Variants in ZNF93 observed in about 807,000 individuals in gnomAD.
The protein encoded by ZNF93 is zinc finger protein 93.
In ZNF93, 29 loss-of-function variants were observed where a neutral mutation model predicts 45.0. That is an observed-to-expected ratio of 0.64 (90% confidence interval 0.48 to 0.88). The LOEUF is 0.88. Ranked by LOEUF, ZNF93 falls within the 40% of genes least tolerant of loss-of-function variation. The pLI, the probability that ZNF93 is intolerant of heterozygous loss-of-function variation, is 0.00. For synonymous variants in ZNF93, 223 were observed against 244.6 expected (o/e 0.91, Z 0.82); for missense variants, 578 against 724.0 (o/e 0.80, Z 2.31).
intron 1 of ZNF93, among the ~76,000 whole-genome samples, chr19:19,910,996 T>C (rs919585821): frequency 1.3e-5 from 2 of 152,158 alleles, no homozygotes; most frequent in African/African-American, 4.8e-5. Context: ...CCAGGAGAAA[T>C]AGACTCAGAT....
chr19:19,934,028 G>T lies in ZNF93; in HGVS notation c.1073G>T (p.Arg358Ile), dbSNP rs551571881. The T allele has an allele frequency of 2.5e-6, 4 of 1,607,692 alleles. No individual in the cohort carries two copies. Among genetic ancestry groups the T allele is most frequent in the African/African-American group, 2.7e-5 (2 of 73,036 alleles). The change falls in exon 4 of 4, where the codon AGA (arginine) becomes ATA (isoleucine). Residue 358 changes from arginine (R) to isoleucine (I), a missense_variant. Physicochemically the swap from Arg to Ile is moderately conservative, Grantham distance 97. Coordinates refer to ENST00000343769, the MANE Select transcript of ZNF93 (RefSeq NM_031218.4). ...TTTATTGCATCCTCAACCCTTAGTA[G>T]ACATGAGTTCATTCATATGGGAAAG... ...KAFIASSTLS[R>I]HEFIHMGKKH...
intron 3 of ZNF93, among the ~76,000 whole-genome samples, chr19:19,920,090 T>A (rs1174215661): frequency 6.6e-6 from 1 of 152,200 alleles, no homozygotes; most frequent in Admixed American, 6.5e-5. Flanking sequence ...TGTGGGTTTG[T>A]CATAAATAGC....
chr19:19,903,465 G>T lies in ZNF93; in HGVS notation c.3+2374G>T, dbSNP rs368820235. 7.2e-5 allele frequency among the ~76,000 whole-genome samples: 11 copies of T among 152,224 alleles called. No homozygotes were observed. The East Asian group carries it at 2.1e-3, about 30-fold the overall frequency. On this transcript the variant is annotated intron_variant, in intron 1 of 3. Coordinates refer to ENST00000343769, the MANE Select transcript of ZNF93 (RefSeq NM_031218.4). ...AATATTTTATTTTAGGCCTGGCCCG[G>T]TGGCTTATGCCTTTGGGAGGCCAGC...
chr19:19,904,178 T>C (rs1283762370), intron 1 of ZNF93, among the ~76,000 whole-genome samples: 2 of 149,660 alleles, frequency 1.3e-5, no homozygotes, highest in Non-Finnish European at 2.9e-5. Context: ...GGCTGTGTGA[T>C]AGGTAAGAAA....
intron 1 of ZNF93, among the ~76,000 whole-genome samples, chr19:19,907,026 C>T (rs552498252): frequency 2.6e-5 from 4 of 151,062 alleles, no homozygotes; most frequent in Non-Finnish European, 4.4e-5. Context: ...GCTATTCTCT[C>T]TTCTCTTTAG....
At chr19:19,920,732 A>G (rs1471699060) in intron 3 of ZNF93, among the ~76,000 whole-genome samples, 2 of 152,288 alleles carry the variant, frequency 1.3e-5, no homozygotes, top group African/African-American at 4.8e-5. Flanking sequence ...TTATTTGCGT[A>G]GAGGTGTTTA....
At position 19,901,072 on chromosome 19, in the gene ZNF93, C is replaced by T. The variant is rs778807374; in HGVS notation, c.-17C>T. On this transcript the variant is annotated 5_prime_UTR_variant, in exon 1 of 4. Transcript: ENST00000343769. ...GAGATCCACAGCTAAGACACCAGGACCCCTGGAAGCCTAGAAATGGTGAGA... is the reference window on the plus strand; with the variant it reads ...GAGATCCACAGCTAAGACACCAGGATCCCTGGAAGCCTAGAAATGGTGAGA... The T allele has an allele frequency of 6.2e-6, 10 of 1,613,284 alleles. No individual in the cohort carries two copies. Among genetic ancestry groups the T allele is most frequent in the Middle Eastern group, 1.6e-4 (1 of 6,084 alleles).
At chr19:19,913,063 G>A (rs375367053) in intron 1 of ZNF93, among the ~76,000 whole-genome samples, 3 of 152,256 alleles carry the variant, frequency 2.0e-5, no homozygotes, top group African/African-American at 4.8e-5. Context: ...AGTGTTAAGT[G>A]TAAGGGACCC....
chr19:19,932,069 A>T, intron 3 of ZNF93: 1 of 308,524 alleles, frequency 3.2e-6, no homozygotes, highest in Non-Finnish European at 6.2e-6. Context: ...AGGTCAGGAG[A>T]TCGAGACCAT....
In ZNF93 at chr19:19,933,732, T is replaced by G; in HGVS notation, c.777T>G (p.Cys259Trp). 1 of 1,612,830 alleles carries G rather than the reference T, an allele frequency of 6.2e-7. No homozygotes were observed. The highest frequency in any genetic ancestry group is 8.5e-7 in the Non-Finnish European group (1 of 1,179,562). ...IIHTGKKPYK[C>W]EECGKAFNQS... ...ATACTGGAAAGAAACCCTACAAGTGTGAAGAATGTGGCAAAGCTTTTAACC... is the reference window on the plus strand; with the variant it reads ...ATACTGGAAAGAAACCCTACAAGTGGGAAGAATGTGGCAAAGCTTTTAACC... The change falls in exon 4 of 4, where the codon TGT becomes TGG. Residue 259 changes from cysteine (C) to tryptophan (W), a missense_variant. By Grantham distance (215) the Cys-to-Trp change is radical. Coordinates refer to ENST00000343769, the MANE Select transcript of ZNF93 (RefSeq NM_031218.4).
At chr19:19,915,475 T>G in intron 2 of ZNF93, 69 bp downstream of exon 2, 8 of 1,534,932 alleles carry the variant, frequency 5.2e-6, no homozygotes, top group Non-Finnish European at 6.1e-6. Context: ...TTGTAGAATG[T>G]TTTTTAGTAA....
chr19:19,910,499 C>G (rs998991732), intron 1 of ZNF93, among the ~76,000 whole-genome samples: 1 of 152,178 alleles, frequency 6.6e-6, no homozygotes, highest in Non-Finnish European at 1.5e-5. Context: ...TATCAGCCCA[C>G]TCTCTGTCCC....
chr19:19,926,522 C>T (rs919898531), intron 3 of ZNF93, among the ~76,000 whole-genome samples: 15 of 148,624 alleles, frequency 1.0e-4, no homozygotes, highest in African/African-American at 3.2e-4. Context: ...CTCACTCTGT[C>T]GCACAGGCTG....
At position 19,933,677 on chromosome 19, in the gene ZNF93, C is replaced by T. The variant is rs753838148; in HGVS notation, c.722C>T (p.Ser241Phe). 1.9e-6 allele frequency: 3 copies of T among 1,612,148 alleles called. No individual in the cohort carries two copies. The highest frequency in any genetic ancestry group is 2.2e-5 in the South Asian group (2 of 90,894). Residue 241 changes from serine (S) to phenylalanine (F), a missense_variant, in exon 4 of 4, where the codon TCC (serine) becomes TTC (phenylalanine). Transcript: ENST00000343769. ...AAATGTGACAAAGCCTTTATTGCAT[C>T]CTCAACCCTTAGTAAACATGAGATC... The part of the protein sequence containing the change: ...CDKCDKAFIA[S>F]STLSKHEIIH...
chr19:19,920,637 A>G (rs1166952662), intron 3 of ZNF93, among the ~76,000 whole-genome samples: 1 of 152,190 alleles, frequency 6.6e-6, no homozygotes, highest in South Asian at 2.1e-4. Context: ...TTATTGGTCT[A>G]TTCAGAGATT....
chr19:19,933,106 T>G, intron 3 of ZNF93, 76 bp from the exon 4 acceptor site: 2 of 1,154,636 alleles, frequency 1.7e-6, no homozygotes, highest in Non-Finnish European at 2.3e-6. Context: ...TTTGTATAAT[T>G]TTATAGGTTA....
intron 1 of ZNF93, among the ~76,000 whole-genome samples, chr19:19,903,114 A>C (rs768282176): frequency 1.3e-5 from 2 of 152,162 alleles, no homozygotes; most frequent in Non-Finnish European, 2.9e-5. Flanking sequence ...TAAAAACGTT[A>C]ATTTATGTAA....
intron 3 of ZNF93, among the ~76,000 whole-genome samples, chr19:19,929,049 T>C (rs2122192826): frequency 6.6e-6 from 1 of 152,232 alleles, no homozygotes; most frequent in East Asian, 1.9e-4. Context: ...TGGGGGCAAA[T>C]TTCTCATGAA....
intron 3 of ZNF93, among the ~76,000 whole-genome samples, chr19:19,922,933 C>G: frequency 6.6e-6 from 1 of 152,346 alleles, no homozygotes; most frequent in South Asian, 2.1e-4. Flanking sequence ...CTTCTCTTAA[C>G]TCATCAAAGT....
Sources: gnomAD v4.1 joint callset for allele counts (sites outside exome capture counted in the v4.1 genomes callset) on GRCh38, gnomAD v4.1.1 for gene constraint, MANE v1.5 for transcripts, NCBI Gene and HGNC (gene_info 2026-07-23, HGNC 2026-07-21) for gene names.